The following CBFA2T2 variants were observed in gnomAD, a reference collection of about 807,000 sequenced individuals.
CBFA2T2 encodes CBFA2/RUNX1 partner transcriptional co-repressor 2.
A neutral mutation model predicts 62.2 loss-of-function variants in CBFA2T2; 11 were observed. That is an observed-to-expected ratio of 0.18 (90% CI 0.11 to 0.29). CBFA2T2 has a LOEUF of 0.29. CBFA2T2 is among the 10% of genes least tolerant of loss of function. CBFA2T2 has a pLI of 1.00. For synonymous variants in CBFA2T2, 295 were observed against 287.5 expected, an observed-to-expected ratio of 1.03 and a Z score of -0.27; for missense variants, 592 against 774.1, an observed-to-expected ratio of 0.76 and a Z score of 2.79.
chr20:33,580,608 T>C (rs915617075), intron 1 of CBFA2T2, among the ~76,000 whole-genome samples: 1 of 152,164 alleles, frequency 6.6e-6, no homozygotes. Context: ...TTCAGCACTT[T>C]GGGAGGCCCA....
chr20:33,490,870 A>G (rs1295805321), intron 1 of CBFA2T2, among the ~76,000 whole-genome samples: 2 of 152,222 alleles, frequency 1.3e-5, no homozygotes, highest in Admixed American at 1.3e-4. Flanking sequence ...TTGTGAGGCC[A>G]GTAAAACGCT....
chr20:33,605,869 AG>A lies in CBFA2T2; in HGVS notation c.35-1086del, dbSNP rs1393007074. ...AGAGTCGCTCTGTCACCCAGGCTAG[AG>A]TGCAGTGGCATGATCTTGGCTCACT... On this transcript the variant is annotated intron_variant, in intron 1 of 10. Coordinates refer to ENST00000342704, the MANE Select transcript of CBFA2T2 (RefSeq NM_001032999.3). Among the ~76,000 whole-genome samples, 4 of 151,882 alleles carry A rather than the reference AG, an allele frequency of 2.6e-5. No homozygotes were observed. The East Asian group carries it at 7.7e-4, about 29-fold the overall frequency.
At chr20:33,591,179 C>CAAA (rs80021195) in intron 1 of CBFA2T2, among the ~76,000 whole-genome samples, 22 of 82,042 alleles carry the variant, frequency 2.7e-4, no homozygotes, top group Non-Finnish European at 3.6e-4. Flanking sequence ...AACTCCCTCT[C>CAAA]AAAAAAAAAA....
In CBFA2T2 at chr20:33,648,638, T is replaced by G. The variant is rs1038777703; in HGVS notation, c.*3992T>G. ...GTTGGGTGACCGTGGGGTCACCGAT[T>G]GCGTAGATTATTTCTAGGGCAGTGC... On this transcript the variant is annotated 3_prime_UTR_variant, in exon 11 of 11. Transcript: ENST00000342704. The G allele has an allele frequency of 6.6e-6, 1 of 152,162 alleles. No individual in the cohort carries two copies. Among genetic ancestry groups the G allele is most frequent in the African/African-American group, 2.4e-5 (1 of 41,426 alleles). The allele number at this position is 152,162 out of a possible 1,614,324, so 9.4% of individuals were successfully genotyped here.
chr20:33,597,953 C>G lies in CBFA2T2; in HGVS notation c.35-9003C>G, dbSNP rs556649928. ...GAGAGAAATTTTAAAGCTGGGCGTC[C>G]AGGGGAGACATCATATGTCGGTAGG... On this transcript the variant is annotated intron_variant, in intron 1 of 10. Transcript: ENST00000342704. 3.3e-5 allele frequency among the ~76,000 whole-genome samples: 5 copies of G among 152,164 alleles called. No homozygotes were observed. In the South Asian group the frequency reaches 8.3e-4, roughly 25 times the overall value.
intron 1 of CBFA2T2, among the ~76,000 whole-genome samples, chr20:33,540,702 G>A (rs1252761911): frequency 6.6e-6 from 1 of 152,112 alleles, no homozygotes; most frequent in Non-Finnish European, 1.5e-5. Context: ...TGATGCAAGG[G>A]TACTTTTATT....
chr20:33,568,183 T>A (rs543929813), intron 1 of CBFA2T2, among the ~76,000 whole-genome samples: 1 of 152,284 alleles, frequency 6.6e-6, no homozygotes, highest in South Asian at 2.1e-4. Context: ...GTTCTAAGGA[T>A]TTAATTAGAA....
intron 6 of CBFA2T2, 149 bp downstream of exon 6, chr20:33,625,166 A>C: frequency 1.3e-6 from 1 of 794,844 alleles, no homozygotes. Context: ...AGTTGATCTT[A>C]TTTGATATCA....
At chr20:33,542,196 G>A (rs1167842953) in intron 1 of CBFA2T2, among the ~76,000 whole-genome samples, 1 of 152,190 alleles carries the variant, frequency 6.6e-6, no homozygotes, top group African/African-American at 2.4e-5. Flanking sequence ...ATGTGGGCTA[G>A]AGGAACATGT....
intron 1 of CBFA2T2, among the ~76,000 whole-genome samples, chr20:33,560,985 C>T (rs1484829903): frequency 6.6e-6 from 1 of 152,180 alleles, no homozygotes; most frequent in African/African-American, 2.4e-5. Flanking sequence ...TCAAGCAATT[C>T]TCCTGCCTCA....
chr20:33,509,789 A>G (rs1259629790), intron 1 of CBFA2T2, among the ~76,000 whole-genome samples: 1 of 150,188 alleles, frequency 6.7e-6, no homozygotes, highest in African/African-American at 2.4e-5. Context: ...AGATCACAAC[A>G]CTGCAGTCCA....
In CBFA2T2 at chr20:33,561,016, T is replaced by C. The variant is rs139410730; in HGVS notation, c.35-45940T>C. 8.0e-3 allele frequency among the ~76,000 whole-genome samples: 1,213 copies of C among 152,254 alleles called. 11 individuals are homozygous for C. The highest frequency in any genetic ancestry group is 0.011 in the Non-Finnish European group (722 of 68,014). On this transcript the variant is annotated intron_variant, in intron 1 of 10. Transcript: ENST00000342704. ...CCTCAGCCTCCCGAGTAGCTGGGAT[T>C]ACAGGTGCGTACCAACACGCCCAGC...
intron 1 of CBFA2T2, among the ~76,000 whole-genome samples, chr20:33,551,291 A>G (rs1382384433): frequency 6.7e-6 from 1 of 149,848 alleles, no homozygotes; most frequent in South Asian, 2.1e-4. Context: ...ATCTCGGCTC[A>G]CTGCAACCTC....
chr20:33,525,254 C>G (rs531545685), intron 1 of CBFA2T2, among the ~76,000 whole-genome samples: 4 of 151,212 alleles, frequency 2.6e-5, no homozygotes, highest in African/African-American at 9.7e-5. Flanking sequence ...GGCACAATCT[C>G]GGCTCACCAC....
At chr20:33,560,979 G>A (rs2013066782) in intron 1 of CBFA2T2, among the ~76,000 whole-genome samples, 1 of 152,138 alleles carries the variant, frequency 6.6e-6, no homozygotes, top group South Asian at 2.1e-4. Flanking sequence ...CCGGGTTCAA[G>A]CAATTCTCCT....
intron 1 of CBFA2T2, among the ~76,000 whole-genome samples, chr20:33,504,094 C>A (rs553281073): frequency 6.6e-6 from 1 of 152,070 alleles, no homozygotes; most frequent in South Asian, 2.1e-4. Flanking sequence ...TCTACTTTTT[C>A]TTTTCTATAA....
At position 33,564,764 on chromosome 20, in the gene CBFA2T2, C is replaced by T. The variant is rs552280560; in HGVS notation, c.35-42192C>T. 2.0e-5 allele frequency among the ~76,000 whole-genome samples: 3 copies of T among 151,354 alleles called. No homozygotes were observed. In the South Asian group the frequency reaches 6.3e-4, roughly 32 times the overall value. ...CCAGCTAATTTTGGTAGTTTTTATA[C>T]AGGTGGGGTTTTGCCATGTTGCCCA... On this transcript the variant is annotated intron_variant, in intron 1 of 10. Coordinates refer to ENST00000342704, the MANE Select transcript of CBFA2T2 (RefSeq NM_001032999.3).
intron 1 of CBFA2T2, among the ~76,000 whole-genome samples, chr20:33,496,658 T>C (rs1451036712): frequency 6.6e-6 from 1 of 152,210 alleles, no homozygotes; most frequent in African/African-American, 2.4e-5. Flanking sequence ...TGTGCATTAC[T>C]ATTTAAAAGG....
chr20:33,627,906 C>T (rs1296547104), intron 6 of CBFA2T2, among the ~76,000 whole-genome samples: 2 of 152,118 alleles, frequency 1.3e-5, no homozygotes, highest in African/African-American at 4.8e-5. Context: ...TCAAAACTAT[C>T]CCCCCACCAA....
Sources: gnomAD v4.1 joint callset for allele counts (sites outside exome capture counted in the v4.1 genomes callset) on GRCh38, gnomAD v4.1.1 for gene constraint, MANE v1.5 for transcripts, NCBI Gene and HGNC (gene_info 2026-07-23, HGNC 2026-07-21) for gene names.